FECH: variants seen among roughly 807,000 people sequenced by gnomAD.
FECH encodes the protein ferrochelatase, mitochondrial.
Under a neutral mutation model 56.9 loss-of-function variants are expected in FECH, and 40 were observed. That is an observed-to-expected ratio of 0.70 (90% CI 0.55 to 0.92). The LOEUF (loss-of-function observed/expected upper bound fraction) is 0.92. FECH is among the 40% of genes least tolerant of loss of function. The pLI, the probability that FECH is intolerant of heterozygous loss-of-function variation, is 0.00. For synonymous variants in FECH, 175 were observed against 198.6 expected (o/e 0.88, Z 1.00); for missense variants, 431 against 529.1 (o/e 0.81, Z 1.82).
rs950815981 is a variant in FECH at position 57,586,246 on chromosome 18, C to T, written c.67+308G>A. 7.2e-5 allele frequency among the ~76,000 whole-genome samples: 11 copies of T among 152,250 alleles called. 1 individual carries two copies. Among genetic ancestry groups the T allele is most frequent in the African/African-American group, 2.7e-4 (11 of 41,468 alleles). On this transcript the variant is annotated intron_variant, in intron 1 of 10. Coordinates refer to ENST00000262093, the MANE Select transcript of FECH (RefSeq NM_000140.5). The stretch of plus-strand genomic sequence containing the variant: ...TCCCTCGCGTAATCTTCTCAACAGC[C>T]TGGTTATTGCAGGTGACAATAACCA...
chr18:57,566,361 T>C (rs2051015962), intron 5 of FECH, 86 bp downstream of exon 5: 23 of 1,584,792 alleles, frequency 1.5e-5, no homozygotes, highest in Non-Finnish European at 2.0e-5. Flanking sequence ...TTGCAAATAA[T>C]TCATCCTTCC....
At chr18:57,561,712 C>T (rs2050945852) in intron 6 of FECH, among the ~76,000 whole-genome samples, 1 of 152,184 alleles carries the variant, frequency 6.6e-6, no homozygotes, top group Admixed American at 6.5e-5. Context: ...TTGATCAGGG[C>T]AGGCAGATGC....
intron 6 of FECH, among the ~76,000 whole-genome samples, chr18:57,559,779 CACA>C (rs1369843183): frequency 2.0e-5 from 3 of 152,292 alleles, no homozygotes; most frequent in South Asian, 2.1e-4. Context: ...TAAAAACCTT[CACA>C]ACAACAGATG....
chr18:57,570,037 G>C (rs1487904472), intron 4 of FECH, among the ~76,000 whole-genome samples: 1 of 78,680 alleles, frequency 1.3e-5, no homozygotes, highest in Non-Finnish European at 2.5e-5. Context: ...GTTGTCGTGT[G>C]TGTGTGTGTG....
chr18:57,580,278 C>CTGACTT, intron 1 of FECH, 79 bp from the exon 2 acceptor site: 1 of 1,560,170 alleles, frequency 6.4e-7, no homozygotes, highest in Non-Finnish European at 8.8e-7. Context: ...AGCATAATTC[C>CTGACTT]TGACTTTAAA....
intron 7 of FECH, among the ~76,000 whole-genome samples, chr18:57,558,001 A>G (rs1286955645): frequency 6.6e-6 from 1 of 152,232 alleles, no homozygotes; most frequent in Non-Finnish European, 1.5e-5. Flanking sequence ...AGAGCCTCCT[A>G]CCGTCCACAC....
Position 57,562,912 on chromosome 18 carries a change from T to A in FECH, c.667A>T (p.Thr223Ser). 1 of 1,614,158 alleles carries A rather than the reference T, an allele frequency of 6.2e-7. No individual in the cohort carries two copies. Among genetic ancestry groups the A allele is most frequent in the Non-Finnish European group, 8.5e-7 (1 of 1,180,030 alleles). ...VGRKPTMKWS[T>S]IDRWPTHHLL... The stretch of plus-strand genomic sequence containing the variant: ...TGATGTGTGGGCCACCTGTCAATAG[T>A]GCTCCACTTCATCGTGGGCTTCCGT... Residue 223 changes from threonine (T) to serine (S), a missense_variant, in exon 6 of 11, where the codon ACT becomes TCT. Physicochemically the swap from Thr to Ser is moderately conservative, Grantham distance 58. Transcript: ENST00000262093.
At chr18:57,584,350 CAAAAA>C (rs918013927) in intron 1 of FECH, among the ~76,000 whole-genome samples, 3 of 140,378 alleles carry the variant, frequency 2.1e-5, no homozygotes, top group African/African-American at 7.8e-5. Flanking sequence ...AAAAAACTCT[CAAAAA>C]ACAAACTTCA....
chr18:57,557,757 A>G (rs1253856608), intron 7 of FECH, among the ~76,000 whole-genome samples: 1 of 152,096 alleles, frequency 6.6e-6, no homozygotes, highest in Non-Finnish European at 1.5e-5. Flanking sequence ...TGATCGCATC[A>G]CTGCACTCCA....
At chr18:57,555,764 C>A (rs1221673560) in intron 7 of FECH, among the ~76,000 whole-genome samples, 2 of 152,124 alleles carry the variant, frequency 1.3e-5, no homozygotes, top group Middle Eastern at 3.2e-3. Flanking sequence ...TTCTTCATTC[C>A]CATATCCTAT....
At position 57,554,337 on chromosome 18, in the gene FECH, G is replaced by C; in HGVS notation, c.1000C>G (p.Pro334Ala). Residue 334 changes from proline (P) to alanine (A), a missense_variant, in exon 9 of 11, where the codon CCG (proline) becomes GCG (alanine). By Grantham distance (27) the Pro-to-Ala change is conservative. Coordinates refer to ENST00000262093, the MANE Select transcript of FECH (RefSeq NM_000140.5). ...ATATGGTCACTGGTAAATGCTATCGGAACCAAGAGGATATTCTTCCTCCCC... is the reference window on the plus strand; with the variant it reads ...ATATGGTCACTGGTAAATGCTATCGCAACCAAGAGGATATTCTTCCTCCCC... ...ERGRKNILLV[P>A]IAFTSDHIET... 1 of 1,614,204 alleles carries C rather than the reference G, an allele frequency of 6.2e-7. No homozygotes were observed. Among genetic ancestry groups the C allele is most frequent in the Non-Finnish European group, 8.5e-7 (1 of 1,180,018 alleles).
Position 57,586,567 on chromosome 18 carries a change from C to A in FECH, c.54G>T (p.Leu18=), listed in dbSNP as rs1269209921. 1.3e-6 allele frequency: 2 copies of A among 1,522,300 alleles called. No homozygotes were observed. Among genetic ancestry groups the A allele is most frequent in the Admixed American group, 2.0e-5 (1 of 50,238 alleles). The allele number at this position is 1,522,300 out of a possible 1,614,324, so 94.3% of individuals were successfully genotyped here. A position where few individuals can be genotyped will look rare whatever the true frequency, so the allele number is the denominator to read the frequency against. Residue 18 remains leucine (L), a synonymous_variant, in exon 1 of 11, where the codon CTG becomes CTT. Coordinates refer to ENST00000262093, the MANE Select transcript of FECH (RefSeq NM_000140.5). ...AGACCCACTTACGCGGATCGCGGAG[C>A]AGGACGCCCGCGGCGCGCAGGGCCG... ...MAAALRAAGV[L]LRDPLASSSW...
chr18:57,573,191 G>C (rs2051138647), intron 3 of FECH, 55 bp downstream of exon 3: 6 of 1,554,084 alleles, frequency 3.9e-6, no homozygotes, highest in Non-Finnish European at 5.3e-6. Context: ...AGAATTGAGA[G>C]ACACATGTCA....
chr18:57,579,922 C>G (rs542251746), intron 2 of FECH, 151 bp downstream of exon 2: 1 of 1,021,210 alleles, frequency 9.8e-7, no homozygotes, highest in African/African-American at 1.6e-5. Context: ...GGTGTAAAAT[C>G]TATGGTTTAA....
In FECH at chr18:57,554,395, T is replaced by C; in HGVS notation, c.942A>G (p.Gln314=). Residue 314 remains glutamine, a synonymous_variant, in exon 9 of 11, where the codon CAA becomes CAG. Transcript: ENST00000262093. ...KVGPMPWLGP[Q]TDESIKGLCE... ...AAAGCCCTTTGATAGATTCGTCTGTTTGAGGACCCAACCAGGGCATTGGAC... is the reference window on the plus strand; with the variant it reads ...AAAGCCCTTTGATAGATTCGTCTGTCTGAGGACCCAACCAGGGCATTGGAC... The C allele has an allele frequency of 6.2e-7, 1 of 1,614,188 alleles. No homozygotes were observed. Among genetic ancestry groups the C allele is most frequent in the Non-Finnish European group, 8.5e-7 (1 of 1,180,024 alleles).
intron 5 of FECH, among the ~76,000 whole-genome samples, chr18:57,563,825 T>A (rs142009267): frequency 7.5e-4 from 114 of 152,280 alleles, no homozygotes; most frequent in Non-Finnish European, 1.3e-3. Flanking sequence ...ATTTTGAGCA[T>A]CTTTACTTAA....
rs367922092 is a variant in FECH, at chr18:57,571,448, G to C, written c.407C>G (p.Thr136Ser). The change falls in exon 4 of 11, where the codon ACT becomes AGT. Residue 136 changes from threonine to serine, a missense_variant. Transcript: ENST00000262093. The part of the protein sequence containing the change: ...IGGGSPIKIW[T>S]SKQGEGMVKL... The stretch of plus-strand genomic sequence containing the variant: ...CACCATGCCCTCTCCCTGCTTGGAA[G>C]TCCATATCTTGATGGGGGATCCGCC... 1.2e-6 allele frequency: 2 copies of C among 1,613,964 alleles called. No individual in the cohort carries two copies. The highest frequency in any genetic ancestry group is 2.7e-5 in the African/African-American group (2 of 74,970).
chr18:57,581,092 C>T (rs1473564366), intron 1 of FECH, among the ~76,000 whole-genome samples: 1 of 152,218 alleles, frequency 6.6e-6, no homozygotes, highest in Non-Finnish European at 1.5e-5. Context: ...GAAAGCATGT[C>T]AGTCAGAGGC....
At position 57,546,408 on chromosome 18, in the gene FECH, C is replaced by T. The variant is rs534697577; in HGVS notation, c.*4304G>A. ...GCAGGTGCCCCCAGTCATCTACACT[C>T]TGAGCAGGGGGCAGGTCTTGCTGCT... On this transcript the variant is annotated 3_prime_UTR_variant, in exon 11 of 11. Coordinates refer to ENST00000262093, the MANE Select transcript of FECH (RefSeq NM_000140.5). Among the ~76,000 whole-genome samples, 48 of 152,286 alleles carry T rather than the reference C, an allele frequency of 3.2e-4. No homozygotes were observed. Among genetic ancestry groups the T allele is most frequent in the African/African-American group, 1.0e-3 (43 of 41,570 alleles).
Sources: allele counts gnomAD v4.1 joint callset (sites outside exome capture counted in the v4.1 genomes callset), GRCh38; gene constraint gnomAD v4.1.1; transcripts MANE v1.5; gene names NCBI Gene and HGNC (gene_info 2026-07-23, HGNC 2026-07-21).